The following TNR variants were observed in gnomAD, a reference collection of about 807,000 sequenced individuals.
The protein encoded by TNR is tenascin R.
Under a neutral mutation model 150.4 loss-of-function variants are expected in TNR, and 45 were observed. That is an observed-to-expected ratio of 0.30 (90% CI 0.24 to 0.38). TNR has a LOEUF of 0.38. Ranked by LOEUF, TNR falls within the 10% of genes least tolerant of loss-of-function variation. The pLI is 1.00. For synonymous variants in TNR, 687 were observed against 678.4 expected, an observed-to-expected ratio of 1.01 and a Z score of -0.20; for missense variants, 1,544 against 1,759.1, an observed-to-expected ratio of 0.88 and a Z score of 2.19.
intron 1 of TNR, among the ~76,000 whole-genome samples, chr1:175,723,807 G>A (rs139790725): frequency 0.01 from 1,578 of 152,232 alleles, 22 homozygotes; most frequent in African/African-American, 0.036. Flanking sequence ...GGAGGCTGAG[G>A]TTTCAGTGAG....
At chr1:175,541,623 TG>T (rs1660501868) in intron 1 of TNR, among the ~76,000 whole-genome samples, 1 of 152,082 alleles carries the variant, frequency 6.6e-6, no homozygotes, top group Non-Finnish European at 1.5e-5. Context: ...TTACTGAATC[TG>T]GGGCTGAAAA....
At chr1:175,456,704 G>A (rs1656588578) in intron 2 of TNR, among the ~76,000 whole-genome samples, 1 of 151,984 alleles carries the variant, frequency 6.6e-6, no homozygotes. Context: ...CCCATGTTCA[G>A]CACAATTTTC....
intron 2 of TNR, among the ~76,000 whole-genome samples, chr1:175,455,054 C>T (rs1013414581): frequency 6.6e-6 from 1 of 152,184 alleles, no homozygotes; most frequent in African/African-American, 2.4e-5. Context: ...GAATGCTGAG[C>T]CGCTACATAA....
At chr1:175,500,433 C>T (rs1413656125) in intron 2 of TNR, among the ~76,000 whole-genome samples, 3 of 152,166 alleles carry the variant, frequency 2.0e-5, no homozygotes, top group Admixed American at 6.5e-5. Context: ...GACCCAGTAA[C>T]CCCAGGACCC....
At chr1:175,717,119 A>G (rs1454137453) in intron 1 of TNR, among the ~76,000 whole-genome samples, 1 of 152,054 alleles carries the variant, frequency 6.6e-6, no homozygotes, top group East Asian at 1.9e-4. Flanking sequence ...AGACTAAAAC[A>G]TTTCTTAGAG....
At chr1:175,428,989 C>T (rs1264081039) in intron 2 of TNR, among the ~76,000 whole-genome samples, 2 of 152,160 alleles carry the variant, frequency 1.3e-5, no homozygotes, top group Non-Finnish European at 2.9e-5. Context: ...TCTAGTTATA[C>T]ATTTGGTCCA....
chr1:175,391,798 T>C (rs1194381048), intron 6 of TNR, among the ~76,000 whole-genome samples: 2 of 152,256 alleles, frequency 1.3e-5, no homozygotes, highest in African/African-American at 2.4e-5. Flanking sequence ...CATCAGAGGT[T>C]TTTGGCATTT....
rs141776089 is a variant in TNR, at chr1:175,396,725, C to T, written c.1059G>A (p.Thr353=). The T allele has an allele frequency of 7.0e-5, 113 of 1,614,230 alleles. No individual in the cohort carries two copies. Among genetic ancestry groups the T allele is most frequent in the East Asian group, 6.7e-4 (30 of 44,892 alleles). The part of the protein sequence containing the change: ...ELEWDGPMAV[T]EYVISYQPTA... ...TCGGCTGGTAAGAGATCACATATTC[C>T]GTCACTGCCATCGGCCCGTCCCATT... The change falls in exon 5 of 23, where the codon ACG becomes ACA. Residue 353 remains threonine (T), a synonymous_variant. Transcript: ENST00000367674.
At chr1:175,571,674 T>G (rs1189789747) in intron 1 of TNR, among the ~76,000 whole-genome samples, 1 of 152,214 alleles carries the variant, frequency 6.6e-6, no homozygotes, top group Admixed American at 6.5e-5. Context: ...CTCCATGTCC[T>G]TCTCCTGCTG....
chr1:175,668,525 G>A (rs774436663), intron 1 of TNR, among the ~76,000 whole-genome samples: 4 of 152,086 alleles, frequency 2.6e-5, no homozygotes, highest in African/African-American at 4.8e-5. Flanking sequence ...CACCCTTTGC[G>A]GGAGGTAGAA....
chr1:175,358,295 T>C (rs905059331), intron 15 of TNR, among the ~76,000 whole-genome samples: 1 of 152,198 alleles, frequency 6.6e-6, no homozygotes, highest in Admixed American at 6.5e-5. Context: ...TCATGTATTT[T>C]TCCATGTTAA....
At chr1:175,325,130 G>T (rs893567399) in intron 21 of TNR, among the ~76,000 whole-genome samples, 2 of 152,206 alleles carry the variant, frequency 1.3e-5, no homozygotes, top group African/African-American at 4.8e-5. Context: ...GACTTCAAGA[G>T]GGAGACATGG....
intron 1 of TNR, among the ~76,000 whole-genome samples, chr1:175,647,450 C>A (rs1324093417): frequency 4.7e-5 from 6 of 127,780 alleles, no homozygotes; most frequent in African/African-American, 6.9e-5. Flanking sequence ...AAAAAAAAAA[C>A]CTCATTGTCT....
intron 2 of TNR, among the ~76,000 whole-genome samples, chr1:175,483,417 G>A (rs924180516): frequency 6.6e-6 from 1 of 152,160 alleles, no homozygotes; most frequent in Admixed American, 6.5e-5. Context: ...GCAGGGACAG[G>A]AAACATGTCC....
chr1:175,668,682 C>T (rs1031800752), intron 1 of TNR, among the ~76,000 whole-genome samples: 11 of 152,206 alleles, frequency 7.2e-5, no homozygotes, highest in African/African-American at 2.7e-4. Flanking sequence ...TATTGAACAC[C>T]TACCGTGACC....
chr1:175,392,633 A>G (rs763165204), intron 6 of TNR, among the ~76,000 whole-genome samples: 9 of 152,214 alleles, frequency 5.9e-5, no homozygotes, highest in African/African-American at 9.6e-5. Context: ...AATAGGACAC[A>G]TTTGTATAGA....
chr1:175,410,319 G>A lies in TNR; in HGVS notation c.-63-3542C>T, dbSNP rs1001825919. On this transcript the variant is annotated intron_variant, in intron 2 of 22. Coordinates refer to ENST00000367674, the MANE Select transcript of TNR (RefSeq NM_003285.3). ...ATTTGGCTTTTACACTGGATAGATG[G>A]TCACTGTTCTCAAATGCATCCACAT... 2.6e-5 allele frequency among the ~76,000 whole-genome samples: 4 copies of A among 152,328 alleles called. No individual in the cohort carries two copies. In the South Asian group the frequency reaches 8.3e-4, roughly 32 times the overall value.
intron 2 of TNR, among the ~76,000 whole-genome samples, chr1:175,450,502 C>A (rs988441941): frequency 6.6e-6 from 1 of 152,206 alleles, no homozygotes; most frequent in South Asian, 2.1e-4. Context: ...TCTGGGCTCC[C>A]AAAGTGGCTT....
At chr1:175,525,210 G>T (rs552228764) in intron 2 of TNR, among the ~76,000 whole-genome samples, 14 of 152,314 alleles carry the variant, frequency 9.2e-5, no homozygotes, top group African/African-American at 2.9e-4. Flanking sequence ...GGAGGTGTTT[G>T]CTTCCCCTTC....
Sources: allele counts gnomAD v4.1 joint callset (sites outside exome capture counted in the v4.1 genomes callset), GRCh38; gene constraint gnomAD v4.1.1; transcripts MANE v1.5; gene names NCBI Gene and HGNC (gene_info 2026-07-23, HGNC 2026-07-21).